The following CAMTA1 variants were observed in gnomAD, a reference collection of about 807,000 sequenced individuals.
The protein encoded by CAMTA1 is calmodulin binding transcription activator 1.
A neutral mutation model predicts 170.9 loss-of-function variants in CAMTA1; 27 were observed. The ratio of observed to expected loss-of-function variants is 0.16; its 90% CI spans 0.12 to 0.22. CAMTA1 has a LOEUF of 0.22. Ranked by LOEUF, CAMTA1 falls within the 10% of genes least tolerant of loss-of-function variation. The probability of loss-of-function intolerance (pLI) is 1.00; values close to 1 mark genes in which losing one functional copy is unlikely to be tolerated. For synonymous variants in CAMTA1, 833 were observed against 891.5 expected (o/e 0.93, Z 1.17); for missense variants, 1,619 against 2,217.2 (o/e 0.73, Z 5.42).
At chr1:7,245,897 A>C (rs1665693938) in intron 4 of CAMTA1, among the ~76,000 whole-genome samples, 1 of 152,178 alleles carries the variant, frequency 6.6e-6, no homozygotes, top group Admixed American at 6.5e-5. Context: ...ATGAAGGGCC[A>C]TTCCCCCTGC....
chr1:7,384,866 C>A (rs2087752118), intron 5 of CAMTA1, among the ~76,000 whole-genome samples: 1 of 152,124 alleles, frequency 6.6e-6, no homozygotes, highest in South Asian at 2.1e-4. Flanking sequence ...TCTTGGGCCA[C>A]TGAAGCCTCT....
intron 3 of CAMTA1, among the ~76,000 whole-genome samples, chr1:6,978,415 C>T (rs186291865): frequency 6.9e-4 from 105 of 152,168 alleles, no homozygotes; most frequent in African/African-American, 2.5e-3. Context: ...GGGTGGATCA[C>T]CCGAGGGCAG....
rs548427664 is a variant in CAMTA1, at chr1:7,251,829, G to C, written c.438+2203G>C. On this transcript the variant is annotated intron_variant, in intron 5 of 22. Transcript: ENST00000303635. This position sits in a 1 kb window ranked among gnomAD's most constrained non-coding sequence, Gnocchi z 5.1. ...TCCTAGGTCAGATGGGATACAAGCT[G>C]AGCCCTTAAAGTCGGGTGGGACTCT... is the stretch of plus-strand genomic sequence containing the variant. 6.6e-6 allele frequency among the ~76,000 whole-genome samples: 1 copy of C among 152,166 alleles called. No homozygotes were observed. The highest frequency in any genetic ancestry group is 1.5e-5 in the Non-Finnish European group (1 of 68,028).
At chr1:7,724,171 T>C (rs1397844418) in intron 11 of CAMTA1, among the ~76,000 whole-genome samples, 1 of 152,124 alleles carries the variant, frequency 6.6e-6, no homozygotes, top group Non-Finnish European at 1.5e-5. Flanking sequence ...CTGTCACAGA[T>C]CCAAGGACAC....
chr1:6,949,441 C>T (rs114073983), intron 3 of CAMTA1, among the ~76,000 whole-genome samples: 2,188 of 152,336 alleles, frequency 0.014, 22 homozygotes, highest in Middle Eastern at 0.024. Flanking sequence ...CTCTGCAAGA[C>T]GATGTTGGCC....
chr1:7,111,220 A>T (rs1268135961), intron 4 of CAMTA1, among the ~76,000 whole-genome samples: 1 of 152,102 alleles, frequency 6.6e-6, no homozygotes, highest in African/African-American at 2.4e-5. Flanking sequence ...TCCCCATCTC[A>T]AGATCAGCTG....
rs1386943005 is a variant in CAMTA1, at chr1:7,482,037, A to AT, written c.510+14142dup. Among the ~76,000 whole-genome samples, 4 of 151,766 alleles carry AT rather than the reference A, an allele frequency of 2.6e-5. No homozygotes were observed. The highest frequency in any genetic ancestry group is 2.1e-4 in the South Asian group (1 of 4,788). On this transcript the variant is annotated intron_variant, in intron 6 of 22. Transcript: ENST00000303635. This position sits in a 1 kb window ranked among gnomAD's most constrained non-coding sequence, Gnocchi z 4.2. ...GTTCTGATTTCTCCACTATAGGTTC[A>AT]TTTTTTCTGTTCTAGAACTTCGTAG...
chr1:6,819,900 T>C (rs753595235), intron 1 of CAMTA1, among the ~76,000 whole-genome samples: 1 of 152,248 alleles, frequency 6.6e-6, no homozygotes, highest in Non-Finnish European at 1.5e-5. Context: ...GATCCAGCAA[T>C]GGCCTTTGTA....
chr1:6,791,351 A>G (rs1472577753), intron 1 of CAMTA1, among the ~76,000 whole-genome samples: 2 of 152,194 alleles, frequency 1.3e-5, no homozygotes, highest in Admixed American at 6.5e-5. Flanking sequence ...TTCCCTAAGA[A>G]TAGGTAGATG....
intron 5 of CAMTA1, among the ~76,000 whole-genome samples, chr1:7,425,702 G>A (rs1300879189): frequency 2.0e-5 from 3 of 151,916 alleles, no homozygotes; most frequent in African/African-American, 4.8e-5. Context: ...GCTACCCACC[G>A]AGAGCCCTTC....
intron 3 of CAMTA1, among the ~76,000 whole-genome samples, chr1:7,060,791 A>G (rs1708087679): frequency 6.6e-6 from 1 of 152,242 alleles, no homozygotes; most frequent in Non-Finnish European, 1.5e-5. Context: ...AGGCTTCTGC[A>G]TTGAAATTGT....
At chr1:7,678,649 C>A (rs535506992) in intron 11 of CAMTA1, among the ~76,000 whole-genome samples, 1 of 152,164 alleles carries the variant, frequency 6.6e-6, no homozygotes, top group African/African-American at 2.4e-5. Flanking sequence ...ACTGGGGATG[C>A]GGTAGGAGGG....
chr1:7,404,447 C>T (rs996656321), intron 5 of CAMTA1, among the ~76,000 whole-genome samples: 6 of 152,248 alleles, frequency 3.9e-5, no homozygotes, highest in Non-Finnish European at 8.8e-5. Flanking sequence ...AAGGTGAGCC[C>T]CTTTGGGCAG....
rs1395713617 is a variant in CAMTA1, at chr1:7,635,748, C to T, written c.511-4652C>T. 6.6e-6 allele frequency among the ~76,000 whole-genome samples: 1 copy of T among 152,172 alleles called. No homozygotes were observed. Reference sequence around the variant, plus strand: ...TGAGCCCATCTCGCCACCAGCAAAGCAGCTCAGCAAGGACTCTGACACCGT... The same window carrying T: ...TGAGCCCATCTCGCCACCAGCAAAGTAGCTCAGCAAGGACTCTGACACCGT... On this transcript the variant is annotated intron_variant, in intron 6 of 22. Transcript: ENST00000303635. The surrounding 1 kb of genome is among the most constrained non-coding windows in gnomAD (Gnocchi z 4.4).
chr1:7,505,210 C>T (rs2094083175), intron 6 of CAMTA1, among the ~76,000 whole-genome samples: 1 of 152,242 alleles, frequency 6.6e-6, no homozygotes, highest in South Asian at 2.1e-4. Context: ...GGAAAGGAGG[C>T]CCTGAGTGGC....
intron 3 of CAMTA1, among the ~76,000 whole-genome samples, chr1:6,917,248 G>A (rs1681006265): frequency 1.3e-5 from 2 of 152,160 alleles, no homozygotes; most frequent in South Asian, 4.1e-4. Context: ...GGGAATGAGG[G>A]TGTGGCTGGT....
At chr1:7,227,715 G>T (rs748977963) in intron 4 of CAMTA1, among the ~76,000 whole-genome samples, 2 of 152,182 alleles carry the variant, frequency 1.3e-5, no homozygotes, top group Non-Finnish European at 2.9e-5. Flanking sequence ...TGGGGGTAAT[G>T]ATCTTTTATG....
At chr1:7,357,185 C>A (rs2149942690) in intron 5 of CAMTA1, among the ~76,000 whole-genome samples, 1 of 152,326 alleles carries the variant, frequency 6.6e-6, no homozygotes, top group Middle Eastern at 3.4e-3. Context: ...CCTGGAGCAT[C>A]CTACAGGGAG....
At chr1:6,787,225 G>A (rs560561936) in intron 1 of CAMTA1, among the ~76,000 whole-genome samples, 3 of 152,340 alleles carry the variant, frequency 2.0e-5, no homozygotes, top group South Asian at 4.1e-4. Flanking sequence ...GAAGCCATAT[G>A]CCTTTCCATT....
Sources: gnomAD v4.1 joint callset for allele counts (sites outside exome capture counted in the v4.1 genomes callset) on GRCh38, gnomAD v4.1.1 for gene constraint, Gnocchi (gnomAD v3.1) non-coding constraint, MANE v1.5 for transcripts, NCBI Gene and HGNC (gene_info 2026-07-23, HGNC 2026-07-21) for gene names.